Variants in KIRREL3 observed in about 807,000 individuals in gnomAD.
The protein encoded by KIRREL3 is kirre like nephrin family adhesion molecule 3.
KIRREL3 carries 36 observed loss-of-function variants against 89.7 expected under a neutral mutation model. The ratio of observed to expected loss-of-function variants is 0.40; its 90% CI spans 0.31 to 0.53. KIRREL3 has a LOEUF of 0.53. KIRREL3 is among the 20% of genes least tolerant of loss of function. The pLI is 0.49. For missense variants in KIRREL3, 864 were observed against 1,056.6 expected (o/e 0.82, Z 2.53); for synonymous variants, 445 against 441.4 (o/e 1.01, Z -0.10).
At chr11:126,482,841 A>G (rs1957259364) in intron 4 of KIRREL3, among the ~76,000 whole-genome samples, 1 of 152,210 alleles carries the variant, frequency 6.6e-6, no homozygotes, top group Admixed American at 6.5e-5. Flanking sequence ...TATGGGCTGC[A>G]AAGGCACATG....
In KIRREL3 at chr11:126,488,977, C is replaced by T. The variant is rs149343833; in HGVS notation, c.434-15511G>A. ...ACCCTGGATCTGTGGCTCTCTCCTC[C>T]GAGACTGCGCTTCCTTTCCTTTCCT... is the stretch of plus-strand genomic sequence containing the variant. On this transcript the variant is annotated intron_variant, in intron 4 of 16. Coordinates refer to ENST00000525144, the MANE Select transcript of KIRREL3 (RefSeq NM_032531.4). 2.0e-3 allele frequency among the ~76,000 whole-genome samples: 312 copies of T among 152,344 alleles called. 3 individuals carry two copies. Among genetic ancestry groups the T allele is most frequent in the Middle Eastern group, 3.4e-3 (1 of 294 alleles).
At chr11:126,582,191 C>G (rs1326440324) in intron 1 of KIRREL3, among the ~76,000 whole-genome samples, 1 of 152,190 alleles carries the variant, frequency 6.6e-6, no homozygotes, top group African/African-American at 2.4e-5. Context: ...GTCTTCTCAT[C>G]TCTCAAGCGA....
At chr11:126,547,375 C>T (rs939372259) in intron 2 of KIRREL3, among the ~76,000 whole-genome samples, 19 of 152,214 alleles carry the variant, frequency 1.2e-4, no homozygotes, top group Admixed American at 2.6e-4. Flanking sequence ...CATGTAGCTT[C>T]TCCCCACCGT....
chr11:126,660,406 C>T (rs967249442), intron 1 of KIRREL3, among the ~76,000 whole-genome samples: 6 of 152,220 alleles, frequency 3.9e-5, no homozygotes, highest in Non-Finnish European at 7.3e-5. Context: ...TTCACACTGA[C>T]GTGCATTGCA....
Position 126,875,994 on chromosome 11 carries a change from G to A in KIRREL3, c.55+124461C>T, listed in dbSNP as rs533198532. ...GGAGGTGAAACCGAAATTGAATCTC[G>A]GGTTCCCTGGAGGTAGGGAGTGCAG... On this transcript the variant is annotated intron_variant, in intron 1 of 16. Transcript: ENST00000525144. Among the ~76,000 whole-genome samples the A allele has an allele frequency of 3.9e-5, 6 of 152,236 alleles. No individual in the cohort carries two copies. In the South Asian group the frequency reaches 6.2e-4, roughly 16 times the overall value.
intron 4 of KIRREL3, among the ~76,000 whole-genome samples, chr11:126,481,785 T>C (rs1206197223): frequency 6.6e-6 from 1 of 152,234 alleles, no homozygotes; most frequent in Non-Finnish European, 1.5e-5. Flanking sequence ...AGAGTGACTG[T>C]TACAGAAGTC....
At chr11:126,699,321 G>A (rs1026659882) in intron 1 of KIRREL3, among the ~76,000 whole-genome samples, 24 of 152,212 alleles carry the variant, frequency 1.6e-4, no homozygotes, top group Admixed American at 8.5e-4. Context: ...ATGGGGAGAA[G>A]AGTTGACTCA....
In KIRREL3 at chr11:126,912,795, C is replaced by T. The variant is rs965608215; in HGVS notation, c.55+87660G>A. Among the ~76,000 whole-genome samples, 7 of 152,168 alleles carry T rather than the reference C, an allele frequency of 4.6e-5. No homozygotes were observed. The highest frequency in any genetic ancestry group is 7.3e-5 in the Non-Finnish European group (5 of 68,042). ...TGCTGGCATGGCAGGTGAAGTATAG[C>T]GAAGAGGAACTTGGCGTGATAATGG... On this transcript the variant is annotated intron_variant, in intron 1 of 16. Transcript: ENST00000525144. This position sits in a 1 kb window ranked among gnomAD's most constrained non-coding sequence, Gnocchi z 4.7.
At chr11:126,741,585 T>C (rs1290961222) in intron 1 of KIRREL3, among the ~76,000 whole-genome samples, 1 of 152,208 alleles carries the variant, frequency 6.6e-6, no homozygotes. Flanking sequence ...ATAGGATGAA[T>C]GGGAACTTTT....
intron 1 of KIRREL3, among the ~76,000 whole-genome samples, chr11:126,745,989 C>A (rs185531561): frequency 6.6e-6 from 1 of 152,314 alleles, no homozygotes; most frequent in Non-Finnish European, 1.5e-5. Flanking sequence ...GCCACCCTGC[C>A]ATTCCTGAAG....
At chr11:126,634,761 C>T (rs1457612583) in intron 1 of KIRREL3, among the ~76,000 whole-genome samples, 2 of 152,218 alleles carry the variant, frequency 1.3e-5, no homozygotes, top group African/African-American at 4.8e-5. Flanking sequence ...AGAATACTTG[C>T]TCCCTGCTCA....
intron 1 of KIRREL3, among the ~76,000 whole-genome samples, chr11:126,731,074 A>G (rs936122010): frequency 1.2e-4 from 18 of 152,148 alleles, no homozygotes; most frequent in Admixed American, 7.9e-4. Context: ...GTCTCTGACA[A>G]TCAGGTTCCC....
rs1224586455 is a variant in KIRREL3, at chr11:126,531,226, C to A, written c.134-4539G>T. The stretch of plus-strand genomic sequence containing the variant: ...TTCCTCTCTATTCCCACTGCTAGCA[C>A]CCAAGTTCAAGCTCTCGTTGCCTCA... On this transcript the variant is annotated intron_variant, in intron 2 of 16. Transcript: ENST00000525144. The surrounding 1 kb of genome is among the most constrained non-coding windows in gnomAD (Gnocchi z 4.7). Among the ~76,000 whole-genome samples the A allele has an allele frequency of 6.6e-6, 1 of 152,200 alleles. No individual in the cohort carries two copies. Among genetic ancestry groups the A allele is most frequent in the Non-Finnish European group, 1.5e-5 (1 of 68,044 alleles).
intron 1 of KIRREL3, among the ~76,000 whole-genome samples, chr11:126,907,052 C>T (rs1003211953): frequency 5.9e-5 from 9 of 152,140 alleles, no homozygotes; most frequent in African/African-American, 2.2e-4. Context: ...CCTCATGGGG[C>T]CCACCACACC....
chr11:126,587,387 A>G lies in KIRREL3; in HGVS notation c.56-24475T>C, dbSNP rs1437646508. Reference sequence around the variant, plus strand: ...GGGGAAGCTGTGAGGCATGAGGCAGAGAGGTAAGCCAGGAGTAGTTTGCAG... The same window carrying G: ...GGGGAAGCTGTGAGGCATGAGGCAGGGAGGTAAGCCAGGAGTAGTTTGCAG... On this transcript the variant is annotated intron_variant, in intron 1 of 16. Coordinates refer to ENST00000525144, the MANE Select transcript of KIRREL3 (RefSeq NM_032531.4). This position sits in a 1 kb window ranked among gnomAD's most constrained non-coding sequence, Gnocchi z 5.2. Among the ~76,000 whole-genome samples, 1 of 152,152 alleles carries G rather than the reference A, an allele frequency of 6.6e-6. No individual in the cohort carries two copies. Among genetic ancestry groups the G allele is most frequent in the Non-Finnish European group, 1.5e-5 (1 of 68,020 alleles).
intron 1 of KIRREL3, among the ~76,000 whole-genome samples, chr11:126,595,236 G>A (rs1271157774): frequency 6.6e-6 from 1 of 152,260 alleles, no homozygotes; most frequent in Non-Finnish European, 1.5e-5. Context: ...GGCAGACAAA[G>A]GAGCTGCAGT....
intron 1 of KIRREL3, among the ~76,000 whole-genome samples, chr11:126,959,670 C>T (rs1275017645): frequency 6.6e-6 from 1 of 152,166 alleles, no homozygotes; most frequent in Non-Finnish European, 1.5e-5. Flanking sequence ...CCCGAATCAG[C>T]CTGTCCAAAG....
chr11:126,465,657 A>G (rs1320366144), intron 5 of KIRREL3, among the ~76,000 whole-genome samples: 1 of 152,200 alleles, frequency 6.6e-6, no homozygotes, highest in East Asian at 1.9e-4. Flanking sequence ...CACGCGGTGC[A>G]GCTGCAGGCC....
At position 126,764,639 on chromosome 11, in the gene KIRREL3, A is replaced by G. The variant is rs1464891067; in HGVS notation, c.56-201727T>C. 2.0e-5 allele frequency among the ~76,000 whole-genome samples: 3 copies of G among 152,186 alleles called. No individual in the cohort carries two copies. The highest frequency in any genetic ancestry group is 2.9e-5 in the Non-Finnish European group (2 of 68,036). Reference sequence around the variant, plus strand: ...TCATTCTATGAGTTACAGTTTAGTTAATCTTTGGTTAGCACATGCACACGT... The same window carrying G: ...TCATTCTATGAGTTACAGTTTAGTTGATCTTTGGTTAGCACATGCACACGT... On this transcript the variant is annotated intron_variant, in intron 1 of 16. Coordinates refer to ENST00000525144, the MANE Select transcript of KIRREL3 (RefSeq NM_032531.4). The surrounding 1 kb of genome is among the most constrained non-coding windows in gnomAD (Gnocchi z 4.2).
Sources: allele counts gnomAD v4.1 joint callset (sites outside exome capture counted in the v4.1 genomes callset), GRCh38; gene constraint gnomAD v4.1.1; non-coding constraint Gnocchi (gnomAD v3.1); transcripts MANE v1.5; gene names NCBI Gene and HGNC (gene_info 2026-07-23, HGNC 2026-07-21).